PDLIM5: variants seen among roughly 807,000 people sequenced by gnomAD.
PDLIM5 encodes the protein PDZ and LIM domain protein 5.
PDLIM5 carries 34 observed loss-of-function variants against 64.2 expected under a neutral mutation model. That is an observed-to-expected ratio of 0.53 (90% CI 0.40 to 0.71). The LOEUF is 0.71. PDLIM5 is among the 30% of genes least tolerant of loss of function. The pLI is 0.00. For missense variants in PDLIM5, 683 were observed against 733.6 expected (o/e 0.93, Z 0.80); for synonymous variants, 253 against 269.1 (o/e 0.94, Z 0.59).
At position 94,469,960 on chromosome 4, in the gene PDLIM5, A is replaced by ATTTTTTTTTTT. The variant is rs34572366; in HGVS notation, c.96+14590_96+14600dup. Among the ~76,000 whole-genome samples, 33 of 71,566 alleles carry ATTTTTTTTTTT rather than the reference A, an allele frequency of 4.6e-4. 1 individual carries two copies. Among genetic ancestry groups the ATTTTTTTTTTT allele is most frequent in the African/African-American group, 1.9e-3 (31 of 16,378 alleles). The allele number at this position is 71,566 out of a possible 152,430, so 47.0% of individuals were successfully genotyped here. A position where few individuals can be genotyped will look rare whatever the true frequency, so the allele number is the denominator to read the frequency against. ...ATTTTTCCTATTTTGCATTCTTTTAATTTTTTTTTTTTTTTTTTTTTTTTG... is the reference window on the plus strand; with the variant it reads ...ATTTTTCCTATTTTGCATTCTTTTAATTTTTTTTTTTTTTTTTTTTTTTTTTTTTTTTTTTG... On this transcript the variant is annotated intron_variant, in intron 2 of 12. Transcript: ENST00000317968.
chr4:94,660,938 C>T (rs898006368), intron 11 of PDLIM5, among the ~76,000 whole-genome samples: 1 of 151,450 alleles, frequency 6.6e-6, no homozygotes, highest in South Asian at 2.1e-4. Flanking sequence ...AAAAAAATAG[C>T]CAGGTTTTGG....
intron 5 of PDLIM5, among the ~76,000 whole-genome samples, chr4:94,576,487 T>G (rs1403543975): frequency 6.6e-6 from 1 of 152,212 alleles, no homozygotes; most frequent in African/African-American, 2.4e-5. Flanking sequence ...GGAGGTAATC[T>G]TAGGAAAACC....
chr4:94,566,477 A>G (rs1315582858), intron 3 of PDLIM5, among the ~76,000 whole-genome samples: 1 of 152,218 alleles, frequency 6.6e-6, no homozygotes, highest in African/African-American at 2.4e-5. Context: ...AGTTTAGGTC[A>G]TCTGCTTACG....
intron 7 of PDLIM5, among the ~76,000 whole-genome samples, chr4:94,594,480 A>C (rs1156761635): frequency 6.6e-6 from 1 of 152,120 alleles, no homozygotes; most frequent in Non-Finnish European, 1.5e-5. Flanking sequence ...AAAAGAGGCA[A>C]CAGCCATCTT....
intron 7 of PDLIM5, among the ~76,000 whole-genome samples, chr4:94,615,731 G>A (rs1326988688): frequency 6.6e-6 from 1 of 152,096 alleles, no homozygotes; most frequent in Non-Finnish European, 1.5e-5. Flanking sequence ...CTGGTGACAG[G>A]GCTCTCACAG....
intron 3 of PDLIM5, among the ~76,000 whole-genome samples, chr4:94,571,478 A>T (rs1046764083): frequency 2.0e-5 from 3 of 152,178 alleles, no homozygotes; most frequent in Non-Finnish European, 4.4e-5. Flanking sequence ...GGTGAACAAT[A>T]AGAAAATTGT....
At chr4:94,608,764 CAG>C (rs1269106676) in intron 7 of PDLIM5, among the ~76,000 whole-genome samples, 2 of 152,136 alleles carry the variant, frequency 1.3e-5, no homozygotes, top group Non-Finnish European at 2.9e-5. Flanking sequence ...ACCATTGTCT[CAG>C]AGATGCAGAG....
At chr4:94,454,736 T>C (rs1222481557) in intron 1 of PDLIM5, among the ~76,000 whole-genome samples, 1 of 152,204 alleles carries the variant, frequency 6.6e-6, no homozygotes, top group Non-Finnish European at 1.5e-5. Context: ...AGCTTCTCAT[T>C]GTAAAGAATT....
At chr4:94,495,519 A>G (rs1211109192) in intron 2 of PDLIM5, among the ~76,000 whole-genome samples, 2 of 152,154 alleles carry the variant, frequency 1.3e-5, no homozygotes, top group Non-Finnish European at 2.9e-5. Context: ...TGAAAAAAAA[A>G]AAGGTTTGGC....
intron 11 of PDLIM5, among the ~76,000 whole-genome samples, chr4:94,661,774 AT>A (rs1742737709): frequency 6.7e-6 from 1 of 149,768 alleles, no homozygotes; most frequent in Non-Finnish European, 1.5e-5. Context: ...AGTCCTTTGT[AT>A]TTCTTCAGAA....
intron 2 of PDLIM5, among the ~76,000 whole-genome samples, chr4:94,492,192 A>T (rs1160877813): frequency 6.6e-6 from 1 of 151,526 alleles, no homozygotes; most frequent in Non-Finnish European, 1.5e-5. Flanking sequence ...ATGAAGCAGG[A>T]TCTTCAATGT....
intron 7 of PDLIM5, chr4:94,588,155 G>T: frequency 1.0e-6 from 1 of 959,822 alleles, no homozygotes; most frequent in Non-Finnish European, 1.2e-6. Context: ...TTTCCTTGAG[G>T]CTAGACACAG....
chr4:94,510,202 G>A (rs954862890), intron 2 of PDLIM5, among the ~76,000 whole-genome samples: 1 of 152,128 alleles, frequency 6.6e-6, no homozygotes, highest in African/African-American at 2.4e-5. Flanking sequence ...AGTAGAAAAG[G>A]TAGATTATTC....
rs201821650 is a variant in PDLIM5, at chr4:94,558,367, G to C, written c.249-14984G>C. 5.9e-5 allele frequency among the ~76,000 whole-genome samples: 9 copies of C among 152,098 alleles called. No homozygotes were observed. The East Asian group carries it at 1.7e-3, about 29-fold the overall frequency. ...GCTGTCTCTTTGTAATGGTGAAGTG[G>C]AAATTATTATAGCCATCTCTCAAAT... On this transcript the variant is annotated intron_variant, in intron 3 of 12. Coordinates refer to ENST00000317968, the MANE Select transcript of PDLIM5 (RefSeq NM_006457.5).
At chr4:94,621,991 T>C (rs1460907500) in intron 8 of PDLIM5, among the ~76,000 whole-genome samples, 1 of 152,236 alleles carries the variant, frequency 6.6e-6, no homozygotes, top group Non-Finnish European at 1.5e-5. Flanking sequence ...TTATTTATCT[T>C]GCTCCAGGTG....
intron 10 of PDLIM5, among the ~76,000 whole-genome samples, chr4:94,657,220 C>T (rs1397000054): frequency 6.6e-6 from 1 of 152,178 alleles, no homozygotes; most frequent in East Asian, 1.9e-4. Flanking sequence ...AAAGAACACA[C>T]GTCTAAATAT....
intron 2 of PDLIM5, among the ~76,000 whole-genome samples, chr4:94,502,823 G>C (rs1317163458): frequency 6.6e-6 from 1 of 152,046 alleles, no homozygotes; most frequent in Admixed American, 6.6e-5. Flanking sequence ...GTTGCAGTGA[G>C]TCAAGATCAT....
intron 3 of PDLIM5, among the ~76,000 whole-genome samples, chr4:94,573,068 A>T (rs1734942914): frequency 6.6e-6 from 1 of 152,204 alleles, no homozygotes; most frequent in Non-Finnish European, 1.5e-5. Flanking sequence ...ACACGGGTGC[A>T]CTCACAAACA....
chr4:94,546,839 C>A (rs1275195550), intron 3 of PDLIM5, among the ~76,000 whole-genome samples: 1 of 151,606 alleles, frequency 6.6e-6, no homozygotes, highest in African/African-American at 2.4e-5. Flanking sequence ...AGGCCCCCCC[C>A]ACCTTTTTCA....
Sources: allele counts gnomAD v4.1 joint callset (sites outside exome capture counted in the v4.1 genomes callset), GRCh38; gene constraint gnomAD v4.1.1; transcripts MANE v1.5; gene names NCBI Gene and HGNC (gene_info 2026-07-23, HGNC 2026-07-21).